Variants in C13orf42 observed in about 807,000 individuals in gnomAD.
C13orf42 encodes chromosome 13 open reading frame 42.
At chr13:51,147,632 G>A (rs1484608078) in intron 1 of C13orf42, among the ~76,000 whole-genome samples, 1 of 152,122 alleles carries the variant, frequency 6.6e-6, no homozygotes, top group African/African-American at 2.4e-5. Context: ...GGGAGGCTGA[G>A]GCTGGAGAAT....
At chr13:51,140,406 A>T (rs990306780) in intron 1 of C13orf42, among the ~76,000 whole-genome samples, 9 of 152,182 alleles carry the variant, frequency 5.9e-5, no homozygotes, top group African/African-American at 2.2e-4. Flanking sequence ...TGGCAAAATA[A>T]ACTTTCTAAA....
At chr13:51,089,738 C>T (rs1953163662) in intron 1 of C13orf42, among the ~76,000 whole-genome samples, 3 of 151,902 alleles carry the variant, frequency 2.0e-5, no homozygotes, top group Admixed American at 2.0e-4. Flanking sequence ...TCTCCACCTG[C>T]TTTCTGACTG....
At chr13:51,151,113 C>G (rs1181657995) in intron 1 of C13orf42, among the ~76,000 whole-genome samples, 1 of 152,158 alleles carries the variant, frequency 6.6e-6, no homozygotes, top group Non-Finnish European at 1.5e-5. Context: ...CACATGAATC[C>G]CTGCAACCTG....
intron 1 of C13orf42, among the ~76,000 whole-genome samples, chr13:51,137,010 G>C (rs1358935935): frequency 6.6e-6 from 1 of 152,180 alleles, no homozygotes; most frequent in Non-Finnish European, 1.5e-5. Flanking sequence ...CTGGAGAGGA[G>C]AGGAATGGGA....
At chr13:51,137,609 C>A (rs1953667136) in intron 1 of C13orf42, among the ~76,000 whole-genome samples, 1 of 152,224 alleles carries the variant, frequency 6.6e-6, no homozygotes, top group African/African-American at 2.4e-5. Context: ...CAACCAAGCA[C>A]AACAGAAAGG....
At chr13:51,119,263 C>T (rs1953515264) in intron 1 of C13orf42, among the ~76,000 whole-genome samples, 1 of 152,094 alleles carries the variant, frequency 6.6e-6, no homozygotes, top group South Asian at 2.1e-4. Context: ...TGAGAGGTTT[C>T]AGAACTGGTT....
chr13:51,083,234 A>G lies in C13orf42; in HGVS notation c.*917T>C, dbSNP rs1359130337. On this transcript the variant is annotated 3_prime_UTR_variant, in exon 4 of 4. Coordinates refer to ENST00000563710, the MANE Select transcript of C13orf42 (RefSeq NM_001351589.3). ...ATGGGTACAACTATTGCAAAAATGT[A>G]AAAAGTATTTAGAAATACAAAGAAT... 10 of 152,230 alleles carry G rather than the reference A, an allele frequency of 6.6e-5. No individual in the cohort carries two copies. The highest frequency in any genetic ancestry group is 1.0e-4 in the Non-Finnish European group (7 of 68,036). 9.4% of individuals were successfully genotyped at this position (152,230 alleles called of 1,614,324 possible). A position where few individuals can be genotyped will look rare whatever the true frequency, so the allele number is the denominator to read the frequency against.
chr13:51,149,059 A>C (rs1227614584), intron 1 of C13orf42, among the ~76,000 whole-genome samples: 2 of 152,168 alleles, frequency 1.3e-5, no homozygotes, highest in African/African-American at 4.8e-5. Context: ...ATTCTGAATG[A>C]GGCTTCTGCA....
In C13orf42 at chr13:51,085,552, G is replaced by C; in HGVS notation, c.570C>G (p.Thr190=). Residue 190 remains threonine (T), a synonymous_variant, in exon 3 of 4, where the codon ACC becomes ACG. Transcript: ENST00000563710. ...PNEDVDFDVA[T]SSREHSLHSN... is the part of the protein sequence containing the mutation. ...AATGCAAGCTGTGCTCCCTGGAGCT[G>C]GTGGCCACTAGAAGAGAAAAGCATG... 1 of 398,972 alleles carries C rather than the reference G, an allele frequency of 2.5e-6. No homozygotes were observed. The highest frequency in any genetic ancestry group is 3.6e-5 in the East Asian group (1 of 28,086). 24.7% of individuals were successfully genotyped at this position (398,972 alleles called of 1,614,324 possible). A position where few individuals can be genotyped will look rare whatever the true frequency, so the allele number is the denominator to read the frequency against.
At chr13:51,100,215 C>T (rs1214477070) in intron 1 of C13orf42, among the ~76,000 whole-genome samples, 1 of 151,290 alleles carries the variant, frequency 6.6e-6, no homozygotes, top group Non-Finnish European at 1.5e-5. Context: ...GATAATATGG[C>T]AAATATGCAA....
chr13:51,118,098 T>C (rs1259419865), intron 1 of C13orf42, among the ~76,000 whole-genome samples: 1 of 152,200 alleles, frequency 6.6e-6, no homozygotes, highest in Non-Finnish European at 1.5e-5. Flanking sequence ...TGGCATGATC[T>C]TGTGTCCAGT....
At chr13:51,166,497 G>C (rs1953902875) in intron 1 of C13orf42, among the ~76,000 whole-genome samples, 1 of 145,550 alleles carries the variant, frequency 6.9e-6, no homozygotes, top group Admixed American at 7.0e-5. Flanking sequence ...AATGCTAGAT[G>C]ACGAGTTAGT....
upstream of C13orf42, among the ~76,000 whole-genome samples, chr13:51,116,072 A>C (rs1953488555): frequency 7.0e-6 from 1 of 143,618 alleles, no homozygotes; most frequent in Admixed American, 7.0e-5. Flanking sequence ...ACCTCTAATA[A>C]AAAAAAAAAA....
intron 1 of C13orf42, among the ~76,000 whole-genome samples, chr13:51,098,810 T>G (rs771704533): frequency 1.3e-5 from 2 of 151,894 alleles, no homozygotes; most frequent in Non-Finnish European, 2.9e-5. Context: ...TGTCTTTATG[T>G]ATGAACATCG....
At chr13:51,113,830 C>T (rs530931021), upstream of C13orf42, among the ~76,000 whole-genome samples, 6 of 152,292 alleles carry the variant, frequency 3.9e-5, no homozygotes, top group Non-Finnish European at 8.8e-5. Context: ...GGACAAACAT[C>T]TAAGCAGGGA....
Position 51,153,804 on chromosome 13 carries a change from T to C in C13orf42, n.136+18449A>G, listed in dbSNP as rs1953804516. On this transcript the variant is annotated intron_variant and non_coding_transcript_variant, in intron 1 of 4. Coordinates refer to the C13orf42 transcript ENST00000433280. Reference sequence around the variant, plus strand: ...CTACAGGTGCATTCCTAGCTAAGTTTTGTATGTTTAGTAGAGAAAGGATTT... The same window carrying C: ...CTACAGGTGCATTCCTAGCTAAGTTCTGTATGTTTAGTAGAGAAAGGATTT... 2.0e-5 allele frequency among the ~76,000 whole-genome samples: 3 copies of C among 151,952 alleles called. No homozygotes were observed. The South Asian group carries it at 6.3e-4, about 32-fold the overall frequency.
chr13:51,106,862 A>G (rs527528443), intron 1 of C13orf42, among the ~76,000 whole-genome samples: 14 of 152,232 alleles, frequency 9.2e-5, no homozygotes, highest in Non-Finnish European at 1.6e-4. Flanking sequence ...CACCTAAACA[A>G]TGAGTCCCAA....
intron 1 of C13orf42, among the ~76,000 whole-genome samples, chr13:51,162,601 C>T (rs1953875036): frequency 6.6e-6 from 1 of 152,144 alleles, no homozygotes; most frequent in African/African-American, 2.4e-5. Context: ...TACTGGACAT[C>T]ATCTTTGAAA....
intron 1 of C13orf42, among the ~76,000 whole-genome samples, chr13:51,132,716 T>C (rs1261466767): frequency 6.6e-6 from 1 of 152,128 alleles, no homozygotes; most frequent in Non-Finnish European, 1.5e-5. Context: ...CAGAGGCATC[T>C]GGACTAGAGC....
Sources: gnomAD v4.1 joint callset for allele counts (sites outside exome capture counted in the v4.1 genomes callset) on GRCh38, gnomAD v4.1.1 for gene constraint, MANE v1.5 for transcripts, NCBI Gene and HGNC (gene_info 2026-07-23, HGNC 2026-07-21) for gene names.